The following RUNDC3B variants were observed in gnomAD, a reference collection of about 807,000 sequenced individuals.
RUNDC3B encodes the protein RUN domain containing 3B, also known as RUN domain-containing protein 3B.
In RUNDC3B, 33 loss-of-function variants were observed where a neutral mutation model predicts 58.4. The ratio of observed to expected loss-of-function variants is 0.56; its 90% CI spans 0.43 to 0.75. The LOEUF (loss-of-function observed/expected upper bound fraction) is 0.75, where lower values mean the gene tolerates loss of function less well. RUNDC3B is among the 30% of genes least tolerant of loss of function. The pLI is 0.00. For synonymous variants in RUNDC3B, 193 were observed against 195.2 expected (o/e 0.99, Z 0.10); for missense variants, 501 against 535.7 (o/e 0.94, Z 0.64).
chr7:87,687,949 C>T (rs536244162), intron 2 of RUNDC3B, among the ~76,000 whole-genome samples: 70 of 152,206 alleles, frequency 4.6e-4, no homozygotes, highest in African/African-American at 1.7e-3. Context: ...TGAAGATTTT[C>T]CAACTTTTGT....
chr7:87,789,768 G>A (rs1386321143), intron 8 of RUNDC3B, among the ~76,000 whole-genome samples: 1 of 152,192 alleles, frequency 6.6e-6, no homozygotes, highest in Non-Finnish European at 1.5e-5. Flanking sequence ...CAACAGGAAA[G>A]AGTAGTAATT....
In RUNDC3B at chr7:87,777,819, C is replaced by A; in HGVS notation, c.820C>A (p.Arg274=). The A allele has an allele frequency of 1.2e-6, 2 of 1,613,542 alleles. No individual in the cohort carries two copies. Among genetic ancestry groups the A allele is most frequent in the Admixed American group, 1.7e-5 (1 of 59,946 alleles). Residue 274 remains arginine (R), a synonymous_variant, in exon 8 of 11, where the codon CGA becomes AGA. Transcript: ENST00000394654. ...CCAGGGTTACCTTGAAGAACTCTTACGACTTCGAGAGAACCAACTATCTGA... is the reference window on the plus strand; with the variant it reads ...CCAGGGTTACCTTGAAGAACTCTTAAGACTTCGAGAGAACCAACTATCTGA... ...EQKGYLEELL[R]LRENQLSESV...
chr7:87,636,938 G>A (rs1252106857), intron 1 of RUNDC3B, among the ~76,000 whole-genome samples: 1 of 152,172 alleles, frequency 6.6e-6, no homozygotes, highest in Non-Finnish European at 1.5e-5. Context: ...GGAAGGGGAA[G>A]TAAACATGTC....
At chr7:87,657,054 T>C (rs1172915891) in intron 2 of RUNDC3B, among the ~76,000 whole-genome samples, 2 of 152,100 alleles carry the variant, frequency 1.3e-5, no homozygotes, top group African/African-American at 2.4e-5. Flanking sequence ...GAACATGACA[T>C]ACTTTCCCCT....
chr7:87,629,585 A>C (rs1415146656), intron 1 of RUNDC3B, among the ~76,000 whole-genome samples: 1 of 152,130 alleles, frequency 6.6e-6, no homozygotes, highest in Non-Finnish European at 1.5e-5. Flanking sequence ...ATGCTTTATA[A>C]CTGTAAATGT....
At position 87,723,361 on chromosome 7, in the gene RUNDC3B, C is replaced by A. The variant is rs182164522; in HGVS notation, c.458+12706C>A. On this transcript the variant is annotated intron_variant, in intron 4 of 10. Transcript: ENST00000394654. ...AGTTAATTTTTAAAAATGTAGAATA[C>A]TGAGACATACAGTAATAACAATATC... Among the ~76,000 whole-genome samples the A allele has an allele frequency of 4.5e-4, 68 of 152,172 alleles. 1 individual carries two copies. Among genetic ancestry groups the A allele is most frequent in the South Asian group, 8.3e-4 (4 of 4,814 alleles).
At chr7:87,651,008 A>C in intron 2 of RUNDC3B, 71 bp downstream of exon 2, 2 of 879,454 alleles carry the variant, frequency 2.3e-6, no homozygotes, top group African/African-American at 1.7e-5. Context: ...TTTAGAAATC[A>C]TACAGTCTGT....
intron 9 of RUNDC3B, among the ~76,000 whole-genome samples, chr7:87,813,432 A>C (rs941033162): frequency 3.3e-5 from 5 of 152,120 alleles, no homozygotes; most frequent in Admixed American, 6.5e-5. Context: ...TATTCAGATG[A>C]ATTCTATGTC....
In RUNDC3B at chr7:87,717,284, C is replaced by T. The variant is rs541367259; in HGVS notation, c.458+6629C>T. On this transcript the variant is annotated intron_variant, in intron 4 of 10. Transcript: ENST00000394654. Reference sequence around the variant, plus strand: ...CTAAACCCTTTTATTAATAAAAATACAAATTATAAATGAATGAAATTTTCA... The same window carrying T: ...CTAAACCCTTTTATTAATAAAAATATAAATTATAAATGAATGAAATTTTCA... 1.1e-4 allele frequency among the ~76,000 whole-genome samples: 16 copies of T among 151,366 alleles called. No individual in the cohort carries two copies. In the East Asian group the frequency reaches 3.1e-3, roughly 29 times the overall value.
intron 6 of RUNDC3B, among the ~76,000 whole-genome samples, chr7:87,762,789 C>T (rs939602731): frequency 2.0e-5 from 3 of 151,168 alleles, no homozygotes; most frequent in Non-Finnish European, 3.0e-5. Flanking sequence ...TAAAAATATA[C>T]ACCAAGAATT....
intron 3 of RUNDC3B, among the ~76,000 whole-genome samples, chr7:87,702,157 A>AAAAC (rs1829128305): frequency 6.7e-6 from 1 of 149,874 alleles, no homozygotes; most frequent in Non-Finnish European, 1.5e-5. Context: ...AAAAAAAAAA[A>AAAAC]AAAAAAAAAA....
At chr7:87,818,530 T>A (rs997170982) in intron 10 of RUNDC3B, among the ~76,000 whole-genome samples, 6 of 152,212 alleles carry the variant, frequency 3.9e-5, no homozygotes, top group Admixed American at 1.3e-4. Context: ...AATGGAGTGA[T>A]GCAGGTTTGA....
chr7:87,649,061 A>AT, intron 1 of RUNDC3B, among the ~76,000 whole-genome samples: 1 of 152,048 alleles, frequency 6.6e-6, no homozygotes, highest in Non-Finnish European at 1.5e-5. Flanking sequence ...TTTATTTCTA[A>AT]TTCTTTAACA....
chr7:87,708,661 A>G (rs900713670), intron 3 of RUNDC3B, among the ~76,000 whole-genome samples: 1 of 151,914 alleles, frequency 6.6e-6, no homozygotes, highest in Non-Finnish European at 1.5e-5. Context: ...AAACTCTCTT[A>G]AATGCTGACA....
intron 8 of RUNDC3B, among the ~76,000 whole-genome samples, chr7:87,806,256 A>T (rs1240940252): frequency 6.6e-6 from 1 of 152,182 alleles, no homozygotes; most frequent in Admixed American, 6.6e-5. Flanking sequence ...TTAGAGACAT[A>T]TGAAATATAG....
chr7:87,825,043 C>G (rs1837721195), intron 10 of RUNDC3B, among the ~76,000 whole-genome samples: 1 of 151,972 alleles, frequency 6.6e-6, no homozygotes, highest in African/African-American at 2.4e-5. Context: ...CATGGTGAAA[C>G]CCTGTCACTA....
intron 7 of RUNDC3B, among the ~76,000 whole-genome samples, chr7:87,773,322 CAAAAAA>C (rs760846940): frequency 1.7e-5 from 1 of 58,172 alleles, no homozygotes; most frequent in African/African-American, 6.2e-5. Context: ...GACTCCGTCT[CAAAAAA>C]AAAAAAAAAA....
chr7:87,740,201 T>C (rs1056583111), intron 5 of RUNDC3B, among the ~76,000 whole-genome samples: 10 of 152,170 alleles, frequency 6.6e-5, no homozygotes, highest in African/African-American at 2.4e-4. Flanking sequence ...TTTCAGCTAC[T>C]GCTTTAAAAT....
chr7:87,734,937 T>TCATATTCTCTGGGCTCAGTC (rs1346369265), intron 4 of RUNDC3B, among the ~76,000 whole-genome samples: 1 of 152,218 alleles, frequency 6.6e-6, no homozygotes, highest in Non-Finnish European at 1.5e-5. Flanking sequence ...ATCTGACTGT[T>TCATATTCTCTGGGCTCAGTC]CATATTCTCT....
Sources: gnomAD v4.1 joint callset for allele counts (sites outside exome capture counted in the v4.1 genomes callset) on GRCh38, gnomAD v4.1.1 for gene constraint, MANE v1.5 for transcripts, NCBI Gene and HGNC (gene_info 2026-07-23, HGNC 2026-07-21) for gene names.